The following ANXA8 variants were observed in gnomAD, a reference collection of about 807,000 sequenced individuals.
ANXA8 encodes the protein annexin A8.
ANXA8 carries 9 observed loss-of-function variants against 26.8 expected under a neutral mutation model. The observed-to-expected ratio is 0.34, with a 90% CI of 0.20 to 0.59. ANXA8 has a LOEUF of 0.59. Ranked by LOEUF, ANXA8 falls within the 20% of genes least tolerant of loss-of-function variation. The pLI is 0.84. For synonymous variants in ANXA8, 39 were observed against 94.8 expected, an observed-to-expected ratio of 0.41 and a Z score of 3.42; for missense variants, 83 against 238.5, an observed-to-expected ratio of 0.35 and a Z score of 4.29.
the ANXA8 span, among the ~76,000 whole-genome samples, chr10:47,511,357 C>T: frequency 0.017 from 2,395 of 140,442 alleles, 174 homozygotes; most frequent in African/African-American, 0.052. Flanking sequence ...TAATCCTAAA[C>T]GTATTATTTC....
chr10:47,991,735 T>A, the ANXA8 span: 11 of 1,610,556 alleles, frequency 6.8e-6, no homozygotes, highest in East Asian at 1.8e-4. Flanking sequence ...CTCACGGAGA[T>A]GAAGAGACAC....
At chr10:47,779,206 C>T in the ANXA8 span, among the ~76,000 whole-genome samples, 3 of 115,340 alleles carry the variant, frequency 2.6e-5, no homozygotes, top group African/African-American at 1.1e-4. Context: ...CTAGCTCTGT[C>T]CACGTTCTTC....
At chr10:47,594,894 A>C in the ANXA8 span, among the ~76,000 whole-genome samples, 1 of 149,256 alleles carries the variant, frequency 6.7e-6, no homozygotes, top group African/African-American at 2.6e-5. Context: ...GTTGACATGC[A>C]TACACCAGAA....
At chr10:47,895,049 C>T in the ANXA8 span, among the ~76,000 whole-genome samples, 2 of 152,146 alleles carry the variant, frequency 1.3e-5, no homozygotes, top group African/African-American at 2.4e-5. Context: ...ACATACACAC[C>T]GCACATACAC....
At chr10:47,486,164 T>C (rs1396651526), upstream of ANXA8, among the ~76,000 whole-genome samples, 4 of 151,268 alleles carry the variant, frequency 2.6e-5, no homozygotes, top group African/African-American at 9.7e-5. Flanking sequence ...ACTCAGTCTC[T>C]CCTTGACCAG....
At chr10:47,761,068 C>T in the ANXA8 span, 13 of 610,790 alleles carry the variant, frequency 2.1e-5, no homozygotes, top group Non-Finnish European at 3.1e-5. Flanking sequence ...GCACCATTTT[C>T]TGGGCCCATA....
At chr10:47,664,298 A>C in the ANXA8 span, among the ~76,000 whole-genome samples, 3 of 152,076 alleles carry the variant, frequency 2.0e-5, no homozygotes, top group African/African-American at 7.3e-5. Context: ...GAATTGCTTG[A>C]ACCCAAGAGG....
intron 11 of ANXA8, among the ~76,000 whole-genome samples, chr10:47,469,190 T>C (rs1839225592): frequency 6.8e-6 from 1 of 147,982 alleles, no homozygotes; most frequent in African/African-American, 2.5e-5. Flanking sequence ...GGGTCAGCTG[T>C]CCCAGGGTTC....
At chr10:47,634,041 T>C in the ANXA8 span, among the ~76,000 whole-genome samples, 2 of 136,682 alleles carry the variant, frequency 1.5e-5, no homozygotes, top group African/African-American at 3.2e-5. Flanking sequence ...GGAGCAGGTA[T>C]CAAGCACGCA....
At chr10:47,574,228 GC>G in the ANXA8 span, among the ~76,000 whole-genome samples, 2 of 58,974 alleles carry the variant, frequency 3.4e-5, no homozygotes, top group Non-Finnish European at 8.0e-5. Context: ...TGATTCTCCT[GC>G]CTCAGCCTCC....
the ANXA8 span, chr10:47,715,802 A>C: frequency 6.6e-7 from 1 of 1,507,336 alleles, no homozygotes. Context: ...AAAAAAGTGC[A>C]CCCTCCTTTG....
chr10:47,974,741 G>A, the ANXA8 span, among the ~76,000 whole-genome samples: 11 of 147,574 alleles, frequency 7.5e-5, no homozygotes, highest in South Asian at 2.2e-4. Context: ...TATTTTTATC[G>A]CACTGTGGTC....
At chr10:47,702,066 T>C in the ANXA8 span, among the ~76,000 whole-genome samples, 22 of 149,776 alleles carry the variant, frequency 1.5e-4, no homozygotes, top group African/African-American at 4.7e-4. Flanking sequence ...ACATAGATTG[T>C]AGATAAGGAA....
At chr10:47,735,741 G>T in the ANXA8 span, among the ~76,000 whole-genome samples, 2 of 151,670 alleles carry the variant, frequency 1.3e-5, no homozygotes, top group South Asian at 4.2e-4. Context: ...CTGGGCTCAA[G>T]TGATCCTCCT....
At chr10:47,563,557 C>T in the ANXA8 span, 5 of 836,398 alleles carry the variant, frequency 6.0e-6, no homozygotes, top group Non-Finnish European at 1.1e-5. Context: ...AAATATATCC[C>T]CTTCTTTCTC....
At chr10:47,671,792 A>ACATAAAC in the ANXA8 span, among the ~76,000 whole-genome samples, 2 of 151,906 alleles carry the variant, frequency 1.3e-5, no homozygotes, top group Non-Finnish European at 2.9e-5. Flanking sequence ...GAGTTTTGCC[A>ACATAAAC]TTGATGTCTA....
At chr10:47,744,949 G>T in the ANXA8 span, among the ~76,000 whole-genome samples, 7 of 152,008 alleles carry the variant, frequency 4.6e-5, no homozygotes, top group East Asian at 1.4e-3. Flanking sequence ...ATCCCATGTA[G>T]GAGTCTAAAC....
the ANXA8 span, among the ~76,000 whole-genome samples, chr10:47,496,787 T>C: frequency 4.0e-5 from 6 of 149,612 alleles, no homozygotes; most frequent in African/African-American, 5.0e-5. Flanking sequence ...ATGATTGGAC[T>C]GAAGTTACGA....
chr10:47,533,210 C>CACAT, the ANXA8 span, among the ~76,000 whole-genome samples: 1 of 141,376 alleles, frequency 7.1e-6, no homozygotes, highest in East Asian at 2.7e-4. Context: ...CACACACACA[C>CACAT]ACACACACAC....
Sources: allele counts gnomAD v4.1 joint callset (sites outside exome capture counted in the v4.1 genomes callset), GRCh38; gene constraint gnomAD v4.1.1; transcripts MANE v1.5; gene names NCBI Gene and HGNC (gene_info 2026-07-23, HGNC 2026-07-21).